The following BCAS3 variants were observed in gnomAD, a reference collection of about 807,000 sequenced individuals.
BCAS3 encodes the protein BCAS3 microtubule associated cell migration factor.
In BCAS3, 53 loss-of-function variants were observed where a neutral mutation model predicts 116.1. The observed-to-expected ratio is 0.46, with a 90% CI of 0.37 to 0.57. The LOEUF (loss-of-function observed/expected upper bound fraction) is 0.57, where lower values mean the gene tolerates loss of function less well. Among genes scored for constraint, BCAS3 ranks in the 20% least tolerant of loss-of-function variants. The pLI is 0.00. For missense variants in BCAS3, 917 were observed against 1,165.4 expected, an observed-to-expected ratio of 0.79 and a Z score of 3.10; for synonymous variants, 391 against 408.2, an observed-to-expected ratio of 0.96 and a Z score of 0.51.
chr17:60,738,779 AG>A (rs2041230587), intron 5 of BCAS3, among the ~76,000 whole-genome samples: 2 of 152,236 alleles, frequency 1.3e-5, no homozygotes, highest in South Asian at 2.1e-4. Context: ...TTCTTGTGAA[AG>A]GGTCTTGGTC....
At chr17:61,283,074 T>C (rs534776283) in intron 22 of BCAS3, among the ~76,000 whole-genome samples, 35 of 152,230 alleles carry the variant, frequency 2.3e-4, no homozygotes, top group Admixed American at 3.3e-4. Flanking sequence ...TACTAAAAGT[T>C]GTGTTGTTTT....
Position 61,062,935 on chromosome 17 carries a change from G to C in BCAS3, c.2030-11985G>C, listed in dbSNP as rs567617929. Among the ~76,000 whole-genome samples, 3 of 152,306 alleles carry C rather than the reference G, an allele frequency of 2.0e-5. No individual in the cohort carries two copies. The South Asian group carries it at 6.2e-4, about 32-fold the overall frequency. On this transcript the variant is annotated intron_variant, in intron 19 of 23. Coordinates refer to ENST00000407086, the MANE Select transcript of BCAS3 (RefSeq NM_017679.5). Reference sequence around the variant, plus strand: ...TCAACACTCTCACAGAACTGCCCTTGTTTGCTGGGAGGAATGAGCAAGAAT... The same window carrying C: ...TCAACACTCTCACAGAACTGCCCTTCTTTGCTGGGAGGAATGAGCAAGAAT...
rs1237274846 is a variant in BCAS3 at position 61,186,301 on chromosome 17, T to C, written c.2425+101737T>C. ...ACCCATATGTTAAGGTTGTCTTTATTACAGTTAGTTATCCATCCCTATATC... is the reference window on the plus strand; with the variant it reads ...ACCCATATGTTAAGGTTGTCTTTATCACAGTTAGTTATCCATCCCTATATC... On this transcript the variant is annotated intron_variant, in intron 22 of 23. Transcript: ENST00000407086. The surrounding 1 kb of genome is among the most constrained non-coding windows in gnomAD (Gnocchi z 4.9). Among the ~76,000 whole-genome samples, 1 of 152,220 alleles carries C rather than the reference T, an allele frequency of 6.6e-6. No homozygotes were observed. Among genetic ancestry groups the C allele is most frequent in the Non-Finnish European group, 1.5e-5 (1 of 68,022 alleles).
chr17:60,689,954 A>G (rs1443014462), intron 4 of BCAS3, among the ~76,000 whole-genome samples, 193 bp downstream of exon 4: 2 of 152,254 alleles, frequency 1.3e-5, no homozygotes, highest in Admixed American at 6.5e-5. Context: ...TAAAGTAACT[A>G]TAACACAGTG....
chr17:60,807,801 TG>T (rs1225160924), intron 6 of BCAS3, among the ~76,000 whole-genome samples: 1 of 151,368 alleles, frequency 6.6e-6, no homozygotes, highest in Non-Finnish European at 1.5e-5. Context: ...AAAAAAATGC[TG>T]GTTCAGTTTT....
intron 22 of BCAS3, among the ~76,000 whole-genome samples, chr17:61,292,774 A>G (rs918575792): frequency 6.6e-6 from 1 of 152,180 alleles, no homozygotes; most frequent in Non-Finnish European, 1.5e-5. Flanking sequence ...TACTTCATAA[A>G]CAGATTGCCA....
chr17:61,334,173 AT>A (rs760607709), intron 22 of BCAS3, among the ~76,000 whole-genome samples: 1 of 152,210 alleles, frequency 6.6e-6, no homozygotes, highest in Non-Finnish European at 1.5e-5. Flanking sequence ...TTCTGAGCTC[AT>A]GTCAAAGCCA....
intron 13 of BCAS3, among the ~76,000 whole-genome samples, chr17:60,942,585 T>G (rs996342466): frequency 6.6e-6 from 1 of 152,208 alleles, no homozygotes; most frequent in African/African-American, 2.4e-5. Context: ...TTTATTAAAT[T>G]ATTTATAATA....
chr17:60,709,147 G>A (rs2037545074), intron 4 of BCAS3, 72 bp from the exon 5 acceptor site: 1 of 742,342 alleles, frequency 1.3e-6, no homozygotes, highest in African/African-American at 1.7e-5. Flanking sequence ...AGGCATTAAA[G>A]AAATACAGTT....
intron 14 of BCAS3, among the ~76,000 whole-genome samples, chr17:60,974,218 T>G (rs553416533): frequency 6.6e-6 from 1 of 152,328 alleles, no homozygotes; most frequent in East Asian, 1.9e-4. Context: ...TTGAGGTTGT[T>G]ATTGAGTTTT....
chr17:60,837,580 G>A (rs971459416), intron 7 of BCAS3, among the ~76,000 whole-genome samples: 5 of 151,848 alleles, frequency 3.3e-5, no homozygotes, highest in African/African-American at 7.3e-5. Flanking sequence ...AAAGTTTTTG[G>A]TAAGTGAAGA....
In BCAS3 at chr17:60,955,215, G is replaced by A. The variant is rs76218282; in HGVS notation, c.1221+7863G>A. Among the ~76,000 whole-genome samples, 22 of 152,068 alleles carry A rather than the reference G, an allele frequency of 1.4e-4. No individual in the cohort carries two copies. In the East Asian group the frequency reaches 4.1e-3, roughly 28 times the overall value. On this transcript the variant is annotated intron_variant, in intron 14 of 23. Coordinates refer to ENST00000407086, the MANE Select transcript of BCAS3 (RefSeq NM_017679.5). ...AAGTAGATTGCCAACATGACATGAT[G>A]CCCTATTACCCTCAATGCTTGAATG... is the stretch of plus-strand genomic sequence containing the variant.
intron 6 of BCAS3, among the ~76,000 whole-genome samples, chr17:60,752,273 T>G (rs928427299): frequency 3.9e-5 from 6 of 152,130 alleles, no homozygotes; most frequent in African/African-American, 1.4e-4. Flanking sequence ...CTAAAAATTA[T>G]GTAACATTGT....
intron 7 of BCAS3, among the ~76,000 whole-genome samples, chr17:60,837,089 A>G (rs758338546): frequency 6.6e-6 from 1 of 152,132 alleles, no homozygotes; most frequent in African/African-American, 2.4e-5. Flanking sequence ...ATTTTGCTGC[A>G]TTGTCAAATG....
intron 6 of BCAS3, among the ~76,000 whole-genome samples, chr17:60,796,985 A>C (rs1456543883): frequency 1.3e-5 from 2 of 152,056 alleles, no homozygotes; most frequent in East Asian, 3.9e-4. Context: ...GGCTCACTGC[A>C]ACAGGTTCAA....
At position 61,241,601 on chromosome 17, in the gene BCAS3, C is replaced by G. The variant is rs778010098; in HGVS notation, c.2426-126726C>G. 2.6e-5 allele frequency among the ~76,000 whole-genome samples: 4 copies of G among 151,856 alleles called. No individual in the cohort carries two copies. Among genetic ancestry groups the G allele is most frequent in the Non-Finnish European group, 4.4e-5 (3 of 67,996 alleles). ...GGCCGTGGTGGCGGGTGCCTGTAGT[C>G]CCAGCTACTCGGGAGGATGAGGCAG... is the stretch of plus-strand genomic sequence containing the variant. On this transcript the variant is annotated intron_variant, in intron 22 of 23. Coordinates refer to ENST00000407086, the MANE Select transcript of BCAS3 (RefSeq NM_017679.5). The surrounding 1 kb of genome is among the most constrained non-coding windows in gnomAD (Gnocchi z 4.6).
intron 22 of BCAS3, among the ~76,000 whole-genome samples, chr17:61,277,647 C>G (rs2050884972): frequency 6.6e-6 from 1 of 152,054 alleles, no homozygotes; most frequent in East Asian, 1.9e-4. Flanking sequence ...CATACATACA[C>G]AATAATGATA....
intron 22 of BCAS3, among the ~76,000 whole-genome samples, chr17:61,321,071 C>T (rs1019218804): frequency 6.6e-6 from 1 of 152,154 alleles, no homozygotes; most frequent in Non-Finnish European, 1.5e-5. Flanking sequence ...AATAATAAAG[C>T]TGAGACTAGA....
At position 61,118,875 on chromosome 17, in the gene BCAS3, T is replaced by G. The variant is rs1194683741; in HGVS notation, c.2425+34311T>G. 6.8e-6 allele frequency among the ~76,000 whole-genome samples: 1 copy of G among 148,010 alleles called. No homozygotes were observed. Among genetic ancestry groups the G allele is most frequent in the Non-Finnish European group, 1.5e-5 (1 of 66,780 alleles). ...AGATATTGTTTTTTGCCTAATCTGG[T>G]TTTTTTTTTGTTTCTTATTGCATAC... On this transcript the variant is annotated intron_variant, in intron 22 of 23. Transcript: ENST00000407086. The surrounding 1 kb of genome is among the most constrained non-coding windows in gnomAD (Gnocchi z 5.0).
Sources: allele counts gnomAD v4.1 joint callset (sites outside exome capture counted in the v4.1 genomes callset), GRCh38; gene constraint gnomAD v4.1.1; non-coding constraint Gnocchi (gnomAD v3.1); transcripts MANE v1.5; gene names NCBI Gene and HGNC (gene_info 2026-07-23, HGNC 2026-07-21).